The following EYS variants were observed in gnomAD, a reference collection of about 807,000 sequenced individuals.
The protein encoded by EYS is EGF-like photoreceptor maintenance factor.
In EYS, 250 loss-of-function variants were observed where a neutral mutation model predicts 282.1. That is an observed-to-expected ratio of 0.89 (90% CI 0.80 to 0.98). The LOEUF (loss-of-function observed/expected upper bound fraction) is 0.98, where lower values mean the gene tolerates loss of function less well. Ranked by LOEUF, EYS falls within the 50% of genes least tolerant of loss-of-function variation. The pLI is 0.00. For missense variants in EYS, 4,016 were observed against 3,709.0 expected (o/e 1.08, Z -2.15); for synonymous variants, 1,355 against 1,282.9 (o/e 1.06, Z -1.20).
intron 14 of EYS, among the ~76,000 whole-genome samples, chr6:64,962,922 A>G (rs749209017): frequency 2.6e-5 from 4 of 152,210 alleles, no homozygotes; most frequent in Non-Finnish European, 5.9e-5. Context: ...AGGCTTAAAA[A>G]TGTGTGCCCT....
chr6:65,263,302 A>C (rs929659976), intron 12 of EYS, among the ~76,000 whole-genome samples: 1 of 151,914 alleles, frequency 6.6e-6, no homozygotes, highest in Admixed American at 6.6e-5. Context: ...GATCGTGCCA[A>C]TGTACTCCAG....
intron 1 of EYS, among the ~76,000 whole-genome samples, chr6:65,655,794 TC>T (rs1485804688): frequency 9.2e-5 from 14 of 151,816 alleles, no homozygotes; most frequent in African/African-American, 3.4e-4. Context: ...TAACATGGTT[TC>T]TTGAGATGTA....
chr6:64,796,311 T>C (rs1375426931), intron 22 of EYS, among the ~76,000 whole-genome samples: 1 of 152,124 alleles, frequency 6.6e-6, no homozygotes, highest in East Asian at 1.9e-4. Flanking sequence ...GGTTTACTGA[T>C]GAAAGGGGTT....
At chr6:65,299,193 C>T (rs1327463717) in intron 11 of EYS, among the ~76,000 whole-genome samples, 1 of 151,988 alleles carries the variant, frequency 6.6e-6, no homozygotes, top group Middle Eastern at 3.2e-3. Flanking sequence ...AAAATCTGTC[C>T]TATTTTGCTA....
intron 14 of EYS, among the ~76,000 whole-genome samples, chr6:64,948,428 A>T (rs1185015084): frequency 6.8e-6 from 1 of 147,892 alleles, no homozygotes; most frequent in Non-Finnish European, 1.5e-5. Context: ...CCAGAATAGT[A>T]TTAAATAATA....
At chr6:64,617,658 A>G in intron 23 of EYS, 125 bp from the exon 24 acceptor site, 3 of 648,004 alleles carry the variant, frequency 4.6e-6, no homozygotes, top group Non-Finnish European at 8.2e-6. Flanking sequence ...TGTACAAATT[A>G]CCTCAGTGTA....
chr6:64,553,701 T>C (rs770348205), intron 26 of EYS, among the ~76,000 whole-genome samples: 1 of 152,088 alleles, frequency 6.6e-6, no homozygotes, highest in Admixed American at 6.6e-5. Flanking sequence ...AAAGCACTCA[T>C]AGGTCTTGGA....
intron 36 of EYS, among the ~76,000 whole-genome samples, chr6:63,838,450 A>C (rs1370515268): frequency 6.6e-6 from 1 of 152,114 alleles, no homozygotes; most frequent in Non-Finnish European, 1.5e-5. Flanking sequence ...GGGCTTCCCT[A>C]AGGGCTTCTC....
At chr6:64,404,858 A>T (rs1466696408) in intron 28 of EYS, among the ~76,000 whole-genome samples, 1 of 152,210 alleles carries the variant, frequency 6.6e-6, no homozygotes, top group Non-Finnish European at 1.5e-5. Context: ...GTAAGAAGGC[A>T]TGAGTTGAAA....
intron 28 of EYS, among the ~76,000 whole-genome samples, chr6:64,389,821 C>T (rs551472948): frequency 3.3e-5 from 5 of 152,238 alleles, no homozygotes; most frequent in Admixed American, 2.0e-4. Context: ...GCGTGAGCGA[C>T]GCAGAAGATG....
intron 13 of EYS, among the ~76,000 whole-genome samples, chr6:65,007,079 T>A (rs1015075729): frequency 1.3e-5 from 2 of 152,190 alleles, no homozygotes; most frequent in Non-Finnish European, 2.9e-5. Context: ...GAATCCAGCA[T>A]CCTGGATCCC....
At chr6:63,859,732 T>A (rs573705305) in intron 36 of EYS, among the ~76,000 whole-genome samples, 1 of 152,042 alleles carries the variant, frequency 6.6e-6, no homozygotes, top group Non-Finnish European at 1.5e-5. Context: ...AGTAAAGCTG[T>A]TTAAAAAGGA....
rs375250829 is a variant in EYS at position 64,583,746 on chromosome 6, G to A, written c.5644+6477C>T. ...GGAGGCAGAGGTTGCAGTGAGTCGA[G>A]ATTGCACCATCGCACTCCAGCCTGG... On this transcript the variant is annotated intron_variant, in intron 26 of 42. Transcript: ENST00000503581. Among the ~76,000 whole-genome samples, 24 of 152,010 alleles carry A rather than the reference G, an allele frequency of 1.6e-4. 1 individual carries two copies. Among genetic ancestry groups the A allele is most frequent in the African/African-American group, 5.8e-4 (24 of 41,466 alleles).
At chr6:65,697,699 G>C (rs1473622583) in intron 1 of EYS, among the ~76,000 whole-genome samples, 1 of 137,320 alleles carries the variant, frequency 7.3e-6, no homozygotes, top group Non-Finnish European at 1.6e-5. Flanking sequence ...AATCTAAATA[G>C]AAAGAGCCTG....
At chr6:65,518,340 T>C (rs1490614349) in intron 2 of EYS, among the ~76,000 whole-genome samples, 1 of 152,108 alleles carries the variant, frequency 6.6e-6, no homozygotes, top group Non-Finnish European at 1.5e-5. Flanking sequence ...TCCACCTTCA[T>C]CTCTTCTCCA....
chr6:64,857,596 G>T (rs1246534875), intron 19 of EYS, among the ~76,000 whole-genome samples: 1 of 152,112 alleles, frequency 6.6e-6, no homozygotes, highest in Non-Finnish European at 1.5e-5. Context: ...TTAACATATT[G>T]ATTTCCATTC....
intron 5 of EYS, among the ~76,000 whole-genome samples, chr6:65,457,497 G>A (rs901388230): frequency 2.0e-5 from 3 of 152,042 alleles, no homozygotes; most frequent in East Asian, 1.9e-4. Context: ...AGCAATCCTC[G>A]ATTGGAATTG....
intron 5 of EYS, among the ~76,000 whole-genome samples, chr6:65,464,686 A>G (rs1764937927): frequency 6.6e-6 from 1 of 152,124 alleles, no homozygotes; most frequent in African/African-American, 2.4e-5. Flanking sequence ...GCAACTCCAT[A>G]TGATACTCCA....
chr6:64,584,260 G>T (rs1004016900), intron 26 of EYS, among the ~76,000 whole-genome samples: 7 of 151,784 alleles, frequency 4.6e-5, no homozygotes. Flanking sequence ...GCATATGTGT[G>T]GTGTGCATGT....
Sources: gnomAD v4.1 joint callset for allele counts (sites outside exome capture counted in the v4.1 genomes callset) on GRCh38, gnomAD v4.1.1 for gene constraint, MANE v1.5 for transcripts, NCBI Gene and HGNC (gene_info 2026-07-23, HGNC 2026-07-21) for gene names.